Variants in NPFFR2 observed in about 807,000 individuals in gnomAD.
NPFFR2 encodes the protein neuropeptide FF receptor 2.
Under a neutral mutation model 13.1 loss-of-function variants are expected in NPFFR2, and 15 were observed. The ratio of observed to expected loss-of-function variants is 1.15; its 90% CI spans 0.77 to 1.76. The LOEUF is 1.76. Ranked by LOEUF, NPFFR2 falls within the 40% of genes most tolerant of loss-of-function variation. NPFFR2 has a pLI of 0.00. For synonymous variants in NPFFR2, 190 were observed against 175.7 expected (o/e 1.08, Z -0.65); for missense variants, 572 against 503.5 (o/e 1.14, Z -1.30).
chr4:72,089,743 C>T (rs1720865041), intron 1 of NPFFR2, among the ~76,000 whole-genome samples: 2 of 152,084 alleles, frequency 1.3e-5, no homozygotes, highest in South Asian at 4.1e-4. Context: ...GCATAGATTA[C>T]AAATATTTTC....
At chr4:72,135,520 G>A (rs201728256) in intron 2 of NPFFR2, among the ~76,000 whole-genome samples, 30 of 151,398 alleles carry the variant, frequency 2.0e-4, no homozygotes, top group East Asian at 1.9e-4. Context: ...TACTGTTACC[G>A]TTATCTTAAA....
At chr4:72,125,704 G>A (rs1299756988) in intron 1 of NPFFR2, among the ~76,000 whole-genome samples, 1 of 152,154 alleles carries the variant, frequency 6.6e-6, no homozygotes, top group Non-Finnish European at 1.5e-5. Context: ...GCCAGCAAAG[G>A]CCCATCAAGT....
intron 1 of NPFFR2, among the ~76,000 whole-genome samples, chr4:72,070,529 C>A (rs75559775): frequency 0.047 from 5,707 of 120,936 alleles, 405 homozygotes; most frequent in East Asian, 0.43. Context: ...GGCAGATATC[C>A]TCATGGAAGT....
At chr4:72,105,223 G>T (rs938955778) in intron 1 of NPFFR2, among the ~76,000 whole-genome samples, 5 of 151,636 alleles carry the variant, frequency 3.3e-5, no homozygotes, top group East Asian at 3.9e-4. Flanking sequence ...AATATGTAGA[G>T]AGAGTTATAA....
At chr4:72,095,848 C>T (rs922623517) in intron 1 of NPFFR2, among the ~76,000 whole-genome samples, 1 of 152,196 alleles carries the variant, frequency 6.6e-6, no homozygotes, top group African/African-American at 2.4e-5. Flanking sequence ...TCATTCTCTG[C>T]TCCGTAGCCT....
intron 2 of NPFFR2, 151 bp downstream of exon 2, chr4:72,129,070 C>T: frequency 1.7e-6 from 1 of 595,502 alleles, no homozygotes; most frequent in South Asian, 2.4e-5. Flanking sequence ...ATTGGATCTG[C>T]ATTCTGAAGG....
At chr4:72,103,091 G>C (rs1340109088) in intron 1 of NPFFR2, among the ~76,000 whole-genome samples, 1 of 152,080 alleles carries the variant, frequency 6.6e-6, no homozygotes, top group Non-Finnish European at 1.5e-5. Context: ...ATATCTCATT[G>C]TGGTTTTGAT....
chr4:72,124,095 T>A (rs1721968873), intron 1 of NPFFR2, among the ~76,000 whole-genome samples: 1 of 152,088 alleles, frequency 6.6e-6, no homozygotes, highest in Admixed American at 6.5e-5. Flanking sequence ...TGTGCAAAAA[T>A]CACAAACATT....
intron 1 of NPFFR2, among the ~76,000 whole-genome samples, chr4:72,046,791 A>C (rs577786644): frequency 2.0e-5 from 3 of 152,272 alleles, no homozygotes; most frequent in Non-Finnish European, 4.4e-5. Context: ...GGGAAACATG[A>C]AACTTTTTAG....
chr4:72,071,654 G>A (rs1720260866), intron 1 of NPFFR2, among the ~76,000 whole-genome samples: 1 of 152,082 alleles, frequency 6.6e-6, no homozygotes, highest in Non-Finnish European at 1.5e-5. Flanking sequence ...ATCTGCACAT[G>A]TACCTGGAAT....
intron 1 of NPFFR2, among the ~76,000 whole-genome samples, chr4:72,082,776 C>T (rs142365815): frequency 4.8e-3 from 727 of 152,164 alleles, no homozygotes; most frequent in Middle Eastern, 0.014. Context: ...CTAACTGAAA[C>T]CTTGTATCCT....
chr4:72,083,307 A>G (rs1347729764), intron 1 of NPFFR2, among the ~76,000 whole-genome samples: 1 of 152,190 alleles, frequency 6.6e-6, no homozygotes, highest in Non-Finnish European at 1.5e-5. Flanking sequence ...TATTTCTACC[A>G]ACAGCATACA....
intron 1 of NPFFR2, among the ~76,000 whole-genome samples, chr4:72,105,579 A>C (rs1721396268): frequency 6.6e-6 from 1 of 152,070 alleles, no homozygotes; most frequent in Non-Finnish European, 1.5e-5. Flanking sequence ...TAATACAAAA[A>C]GGAGTGGAAA....
intron 1 of NPFFR2, among the ~76,000 whole-genome samples, chr4:72,057,832 A>G (rs1267154108): frequency 2.0e-5 from 3 of 151,966 alleles, no homozygotes; most frequent in East Asian, 1.9e-4. Flanking sequence ...TAGTAGTACA[A>G]ATGTATATTG....
At chr4:72,045,831 A>G (rs961146870) in intron 1 of NPFFR2, among the ~76,000 whole-genome samples, 1 of 152,196 alleles carries the variant, frequency 6.6e-6, no homozygotes, top group South Asian at 2.1e-4. Context: ...TAAAGTAGAA[A>G]AATCCTAAGT....
intron 1 of NPFFR2, among the ~76,000 whole-genome samples, chr4:72,084,975 T>C (rs1169841835): frequency 6.6e-6 from 1 of 152,124 alleles, no homozygotes; most frequent in Non-Finnish European, 1.5e-5. Flanking sequence ...TGTTTTAGAC[T>C]CTGCATTAGG....
chr4:72,118,660 A>T (rs1282927706), intron 1 of NPFFR2, among the ~76,000 whole-genome samples: 1 of 152,186 alleles, frequency 6.6e-6, no homozygotes, highest in Non-Finnish European at 1.5e-5. Context: ...TTACAAAAGA[A>T]AAAAACCTAC....
At chr4:72,048,056 GTATTACACACACGTA>G (rs1009934906) in intron 1 of NPFFR2, among the ~76,000 whole-genome samples, 2 of 151,994 alleles carry the variant, frequency 1.3e-5, no homozygotes, top group African/African-American at 4.8e-5. Context: ...ATGTGTGTAT[GTATTACACACACGTA>G]TATTACACAC....
chr4:72,144,497 T>A (rs1241544647), intron 3 of NPFFR2, among the ~76,000 whole-genome samples: 3 of 152,182 alleles, frequency 2.0e-5, no homozygotes, highest in Non-Finnish European at 2.9e-5. Flanking sequence ...AAATGCTTTT[T>A]TTTTCAGGGC....
Sources: gnomAD v4.1 joint callset for allele counts (sites outside exome capture counted in the v4.1 genomes callset) on GRCh38, gnomAD v4.1.1 for gene constraint, MANE v1.5 for transcripts, NCBI Gene and HGNC (gene_info 2026-07-23, HGNC 2026-07-21) for gene names.